Variants in HPGDS observed in about 807,000 individuals in gnomAD.
HPGDS encodes the protein hematopoietic prostaglandin D synthase, also known as GST class-sigma.
In HPGDS, 26 loss-of-function variants were observed where a neutral mutation model predicts 23.1. The ratio of observed to expected loss-of-function variants is 1.13; its 90% CI spans 0.83 to 1.56. The LOEUF is 1.56. HPGDS is among the 40% of genes most tolerant of loss of function. The pLI, the probability that HPGDS is intolerant of heterozygous loss-of-function variation, is 0.00. For synonymous variants in HPGDS, 95 were observed against 77.9 expected, an observed-to-expected ratio of 1.22 and a Z score of -1.16; for missense variants, 268 against 236.4, an observed-to-expected ratio of 1.13 and a Z score of -0.88.
intron 3 of HPGDS, among the ~76,000 whole-genome samples, chr4:94,312,255 T>C (rs1389048846): frequency 6.6e-6 from 1 of 152,206 alleles, no homozygotes; most frequent in Non-Finnish European, 1.5e-5. Context: ...AGATCTTTCC[T>C]GCTTTCTCTT....
At chr4:94,303,542 C>A (rs1479460672) in intron 4 of HPGDS, among the ~76,000 whole-genome samples, 1 of 152,098 alleles carries the variant, frequency 6.6e-6, no homozygotes, top group Admixed American at 6.6e-5. Flanking sequence ...TATGTTCTTT[C>A]CCTTGTTCTA....
intron 2 of HPGDS, among the ~76,000 whole-genome samples, chr4:94,328,197 C>T (rs531907648): frequency 3.9e-5 from 6 of 152,362 alleles, no homozygotes; most frequent in South Asian, 4.1e-4. Context: ...TCAGCTGCTT[C>T]GCTTCCTTTT....
intron 2 of HPGDS, among the ~76,000 whole-genome samples, chr4:94,320,674 A>T (rs1377713262): frequency 3.3e-5 from 5 of 152,154 alleles, no homozygotes; most frequent in Non-Finnish European, 7.4e-5. Flanking sequence ...CATTTGTCAG[A>T]TGGATAGATT....
Position 94,340,311 on chromosome 4 carries a change from C to CTTTCTTTTTCTTTTCTTTTTTTTTTTTTT in HPGDS, c.-10+2483_-10+2484insAAAAAAAAAAAAAAGAAAAGAAAAAGAAA. Among the ~76,000 whole-genome samples, 9 of 23,686 alleles carry CTTTCTTTTTCTTTTCTTTTTTTTTTTTTT rather than the reference C, an allele frequency of 3.8e-4. 1 individual carries two copies. Among genetic ancestry groups the CTTTCTTTTTCTTTTCTTTTTTTTTTTTTT allele is most frequent in the South Asian group, 1.6e-3 (1 of 622 alleles). The allele number at this position is 23,686 out of a possible 152,430, so 15.5% of individuals were successfully genotyped here. On this transcript the variant is annotated intron_variant, in intron 1 of 5. Transcript: ENST00000295256. ...TTTCTTTCTTTCTTTCTTTCTTTCT[C>CTTTCTTTTTCTTTTCTTTTTTTTTTTTTT]TTTTTTTTTTTTTTTTTTTTTTTTT...
At chr4:94,321,690 A>G (rs959399671) in intron 2 of HPGDS, among the ~76,000 whole-genome samples, 4 of 152,196 alleles carry the variant, frequency 2.6e-5, no homozygotes, top group African/African-American at 9.7e-5. Flanking sequence ...TTCTAAATAT[A>G]CAATCATGTC....
At chr4:94,332,833 G>T (rs1470744557) in intron 2 of HPGDS, among the ~76,000 whole-genome samples, 1 of 152,164 alleles carries the variant, frequency 6.6e-6, no homozygotes, top group African/African-American at 2.4e-5. Context: ...GTTTATGTTT[G>T]AACTCTGGGC....
At chr4:94,317,790 G>T in intron 3 of HPGDS, 83 bp downstream of exon 3, 2 of 793,350 alleles carry the variant, frequency 2.5e-6, no homozygotes, top group Non-Finnish European at 4.3e-6. Context: ...AGTATGCTAT[G>T]CTAAAGTCAT....
At chr4:94,337,218 C>T (rs538231532) in intron 1 of HPGDS, among the ~76,000 whole-genome samples, 1 of 152,158 alleles carries the variant, frequency 6.6e-6, no homozygotes, top group South Asian at 2.1e-4. Flanking sequence ...TAATCCACCC[C>T]CCTTGGCCTC....
At chr4:94,329,928 A>T (rs755963899) in intron 2 of HPGDS, among the ~76,000 whole-genome samples, 1 of 152,248 alleles carries the variant, frequency 6.6e-6, no homozygotes, top group Non-Finnish European at 1.5e-5. Flanking sequence ...GTGGCTGGCA[A>T]AATAACTACA....
chr4:94,320,760 A>G (rs576471309), intron 2 of HPGDS, among the ~76,000 whole-genome samples: 57 of 152,268 alleles, frequency 3.7e-4, no homozygotes, highest in Non-Finnish European at 2.9e-4. Context: ...GAAGCTCCTT[A>G]GTTTAATTAG....
intron 1 of HPGDS, among the ~76,000 whole-genome samples, chr4:94,335,586 T>C (rs753271326): frequency 1.1e-4 from 17 of 152,216 alleles, no homozygotes; most frequent in Non-Finnish European, 2.1e-4. Context: ...TTTTTATAAA[T>C]AGTGATATTA....
intron 2 of HPGDS, among the ~76,000 whole-genome samples, chr4:94,328,153 A>T (rs1336392424): frequency 1.3e-5 from 2 of 152,232 alleles, no homozygotes; most frequent in Non-Finnish European, 2.9e-5. Context: ...CACAATGGGG[A>T]GTCCCTCCCG....
Position 94,299,337 on chromosome 4 carries a change from T to A in HPGDS, c.*143A>T. On this transcript the variant is annotated 3_prime_UTR_variant, in exon 6 of 6. Coordinates refer to ENST00000295256, the MANE Select transcript of HPGDS (RefSeq NM_014485.3). ...AAAGATTTGTTTTTATTTTCCTTTT[T>A]AAAAATCAGAATATGGCTAAAGTGA... 4.4e-6 allele frequency: 3 copies of A among 682,640 alleles called. No individual in the cohort carries two copies. The highest frequency in any genetic ancestry group is 6.2e-5 in the Admixed American group (2 of 32,136). 42.3% of individuals were successfully genotyped at this position (682,640 alleles called of 1,614,324 possible). A position where few individuals can be genotyped will look rare whatever the true frequency, so the allele number is the denominator to read the frequency against.
At chr4:94,333,335 A>G (rs1009781218) in intron 2 of HPGDS, among the ~76,000 whole-genome samples, 1 of 152,228 alleles carries the variant, frequency 6.6e-6, no homozygotes, top group African/African-American at 2.4e-5. Context: ...CGTTGGGCTT[A>G]CCAAGTGACG....
At chr4:94,327,244 T>C (rs923559343) in intron 2 of HPGDS, among the ~76,000 whole-genome samples, 1 of 152,088 alleles carries the variant, frequency 6.6e-6, no homozygotes, top group African/African-American at 2.4e-5. Context: ...GGCCCCTGGA[T>C]GATGTGCACA....
At chr4:94,340,311 C>CT (rs869240610) in intron 1 of HPGDS, among the ~76,000 whole-genome samples, 4 of 23,684 alleles carry the variant, frequency 1.7e-4, no homozygotes, top group Non-Finnish European at 3.5e-4. Flanking sequence ...CTTTCTTTCT[C>CT]TTTTTTTTTT....
chr4:94,302,961 A>G (rs1473373759), intron 4 of HPGDS, among the ~76,000 whole-genome samples: 1 of 152,122 alleles, frequency 6.6e-6, no homozygotes, highest in Non-Finnish European at 1.5e-5. Context: ...CTCTTTCTTG[A>G]TAAGAGATGT....
intron 4 of HPGDS, among the ~76,000 whole-genome samples, chr4:94,306,233 GTC>G (rs1363416842): frequency 7.2e-5 from 11 of 152,146 alleles, no homozygotes; most frequent in African/African-American, 2.4e-4. Flanking sequence ...CCACCTGCCA[GTC>G]TCTTTAAAAT....
intron 3 of HPGDS, among the ~76,000 whole-genome samples, chr4:94,308,980 C>T (rs879685253): frequency 1.3e-5 from 2 of 149,892 alleles, no homozygotes; most frequent in Non-Finnish European, 3.0e-5. Context: ...ATATATATCC[C>T]ACTAGATATG....
Sources: allele counts gnomAD v4.1 joint callset (sites outside exome capture counted in the v4.1 genomes callset), GRCh38; gene constraint gnomAD v4.1.1; transcripts MANE v1.5; gene names NCBI Gene and HGNC (gene_info 2026-07-23, HGNC 2026-07-21).